RNF217: variants seen among roughly 807,000 people sequenced by gnomAD.
RNF217 encodes the protein ring finger protein 217.
RNF217 carries 31 observed loss-of-function variants against 57.8 expected under a neutral mutation model. That is an observed-to-expected ratio of 0.54 (90% CI 0.40 to 0.72). RNF217 has a LOEUF of 0.72. Among genes scored for constraint, RNF217 ranks in the 30% least tolerant of loss-of-function variants. RNF217 has a pLI of 0.00. For missense variants in RNF217, 696 were observed against 708.3 expected (o/e 0.98, Z 0.20); for synonymous variants, 313 against 294.0 (o/e 1.06, Z -0.66).
chr6:125,052,349 T>A (rs567100913), intron 2 of RNF217, among the ~76,000 whole-genome samples: 4 of 151,630 alleles, frequency 2.6e-5, no homozygotes, highest in Non-Finnish European at 4.4e-5. Context: ...TGTTTTGTTT[T>A]GTTTTGGTCT....
chr6:124,975,353 G>A (rs931740225), intron 1 of RNF217, among the ~76,000 whole-genome samples: 1 of 152,168 alleles, frequency 6.6e-6, no homozygotes, highest in Non-Finnish European at 1.5e-5. Context: ...CGTCTAAGTA[G>A]AGCTATTGGG....
intron 1 of RNF217, among the ~76,000 whole-genome samples, chr6:125,031,413 G>A (rs181171871): frequency 1.8e-4 from 28 of 152,190 alleles, no homozygotes; most frequent in South Asian, 8.3e-4. Flanking sequence ...AAACATTTAC[G>A]CTGTTTCCCT....
chr6:125,017,145 T>C (rs1024775997), intron 1 of RNF217, among the ~76,000 whole-genome samples: 1 of 152,294 alleles, frequency 6.6e-6, no homozygotes, highest in Non-Finnish European at 1.5e-5. Context: ...TGAAAATATG[T>C]TTTGAAAACT....
At chr6:125,016,742 C>T (rs977873433) in intron 1 of RNF217, among the ~76,000 whole-genome samples, 1 of 146,980 alleles carries the variant, frequency 6.8e-6, no homozygotes, top group Non-Finnish European at 1.5e-5. Context: ...AATGACAACA[C>T]GTGGACACAG....
intron 1 of RNF217, among the ~76,000 whole-genome samples, chr6:125,028,831 T>C (rs896522886): frequency 6.6e-6 from 1 of 152,102 alleles, no homozygotes; most frequent in East Asian, 1.9e-4. Context: ...CACTGGGCTT[T>C]TTTTACTGCT....
At chr6:125,025,883 A>G (rs184448401) in intron 1 of RNF217, among the ~76,000 whole-genome samples, 2 of 152,200 alleles carry the variant, frequency 1.3e-5, no homozygotes, top group Non-Finnish European at 2.9e-5. Context: ...TTATTCTGTC[A>G]AGTACAAGGT....
At position 125,084,348 on chromosome 6, in the gene RNF217, A is replaced by G. The variant is rs1788707244; in HGVS notation, c.*1411A>G. 4 of 151,922 alleles carry G rather than the reference A, an allele frequency of 2.6e-5. No homozygotes were observed. Among genetic ancestry groups the G allele is most frequent in the Admixed American group, 2.6e-4 (4 of 15,222 alleles). 9.4% of individuals were successfully genotyped at this position (151,922 alleles called of 1,614,324 possible). On this transcript the variant is annotated 3_prime_UTR_variant, in exon 6 of 6. Coordinates refer to ENST00000521654, the MANE Select transcript of RNF217 (RefSeq NM_001286398.3). ...CAAAAGCTTTAAAAATAAGAAATTG[A>G]CAAGTAACTAGACTATGATATGCCT...
chr6:124,963,289 G>A lies in RNF217; in HGVS notation c.745G>A (p.Gly249Ser). The A allele has an allele frequency of 6.5e-7, 1 of 1,535,944 alleles. No homozygotes were observed. Among genetic ancestry groups the A allele is most frequent in the Non-Finnish European group, 8.7e-7 (1 of 1,146,836 alleles). Residue 249 changes from glycine to serine, a missense_variant, in exon 1 of 6, where the codon GGC (glycine) becomes AGC (serine). By Grantham distance (56) the Gly-to-Ser change is moderately conservative. This residue lies in a region of RNF217 where 465 missense variants were observed against 386.8 expected (regional missense o/e 1.20). Transcript: ENST00000521654. ...LLGAPPYSGL[G>S]GVGDPYVPLM... ...GGGAGCTCCACCCTACTCTGGCCTG[G>A]GCGGTGTAGGGGATCCCTATGTGCC... is the stretch of plus-strand genomic sequence containing the variant.
chr6:125,008,643 G>T (rs750554915), intron 1 of RNF217: 1 of 152,006 alleles, frequency 6.6e-6, no homozygotes, highest in Non-Finnish European at 1.5e-5. Context: ...GTGCATTCAG[G>T]TCAGGTCAAG....
chr6:124,963,466 A>G, intron 1 of RNF217, 40 bp downstream of exon 1: 5 of 1,433,350 alleles, frequency 3.5e-6, no homozygotes, highest in Non-Finnish European at 4.6e-6. Flanking sequence ...ATCATTCCAA[A>G]TCACTGGCGA....
At chr6:124,990,862 C>T (rs1056829289) in intron 1 of RNF217, among the ~76,000 whole-genome samples, 5 of 151,996 alleles carry the variant, frequency 3.3e-5, no homozygotes, top group South Asian at 4.1e-4. Flanking sequence ...GCCAGGAGTT[C>T]GAGACCAGCC....
chr6:124,977,173 T>G (rs985930777), intron 1 of RNF217, among the ~76,000 whole-genome samples: 1 of 152,150 alleles, frequency 6.6e-6, no homozygotes, highest in African/African-American at 2.4e-5. Flanking sequence ...TATAAAACAT[T>G]AACACTTTCT....
intron 1 of RNF217, among the ~76,000 whole-genome samples, chr6:125,012,276 T>A (rs952247005): frequency 1.3e-5 from 2 of 152,178 alleles, no homozygotes; most frequent in Non-Finnish European, 2.9e-5. Flanking sequence ...CACAACAGAA[T>A]GACTATGTTT....
At chr6:124,964,238 G>A (rs1273384375) in intron 1 of RNF217, among the ~76,000 whole-genome samples, 1 of 152,158 alleles carries the variant, frequency 6.6e-6, no homozygotes, top group African/African-American at 2.4e-5. Flanking sequence ...AATCCTGGAT[G>A]CCCTTTGATC....
intron 1 of RNF217, among the ~76,000 whole-genome samples, chr6:125,018,691 T>G (rs1445423510): frequency 6.6e-6 from 1 of 152,112 alleles, no homozygotes; most frequent in Non-Finnish European, 1.5e-5. Flanking sequence ...CCAGTGAATC[T>G]CAGAAAGTCT....
chr6:124,969,826 G>A (rs1438812361), intron 1 of RNF217, among the ~76,000 whole-genome samples: 1 of 152,150 alleles, frequency 6.6e-6, no homozygotes, highest in Non-Finnish European at 1.5e-5. Context: ...TAAGGGAAGA[G>A]TGATACTGGG....
chr6:124,999,727 TC>T (rs1450408602), intron 1 of RNF217, among the ~76,000 whole-genome samples: 1 of 152,198 alleles, frequency 6.6e-6, no homozygotes, highest in Middle Eastern at 3.2e-3. Flanking sequence ...TGAGAAATGT[TC>T]AGACAACCTT....
At chr6:124,967,194 T>C (rs1490312947) in intron 1 of RNF217, among the ~76,000 whole-genome samples, 1 of 152,250 alleles carries the variant, frequency 6.6e-6, no homozygotes, top group Admixed American at 6.5e-5. Flanking sequence ...TATGCGTGTG[T>C]GAATATGGCT....
At chr6:125,004,324 TTCTC>T (rs1479887888) in intron 1 of RNF217, among the ~76,000 whole-genome samples, 1 of 152,160 alleles carries the variant, frequency 6.6e-6, no homozygotes, top group African/African-American at 2.4e-5. Context: ...AGGTGCAACT[TTCTC>T]TCTCCTCCAT....
Sources: allele counts gnomAD v4.1 joint callset (sites outside exome capture counted in the v4.1 genomes callset), GRCh38; gene constraint gnomAD v4.1.1; regional missense constraint gnomAD v4.1.1; transcripts MANE v1.5; gene names NCBI Gene and HGNC (gene_info 2026-07-23, HGNC 2026-07-21).